Variants in DEGS1 observed in about 807,000 individuals in gnomAD.
DEGS1 encodes the protein delta 4-desaturase, sphingolipid 1, also known as sphingolipid delta(4)-desaturase DES1.
In DEGS1, 17 loss-of-function variants were observed where a neutral mutation model predicts 24.1. The ratio of observed to expected loss-of-function variants is 0.70; its 90% CI spans 0.48 to 1.06. DEGS1 has a LOEUF of 1.06. Among genes scored for constraint, DEGS1 ranks in the 50% least tolerant of loss-of-function variants. DEGS1 has a pLI of 0.00. For missense variants in DEGS1, 366 were observed against 408.9 expected (o/e 0.90, Z 0.91); for synonymous variants, 134 against 140.0 (o/e 0.96, Z 0.30).
chr1:224,185,373 C>G (rs1658353917), intron 1 of DEGS1, among the ~76,000 whole-genome samples: 1 of 152,154 alleles, frequency 6.6e-6, no homozygotes, highest in Non-Finnish European at 1.5e-5. Context: ...GCTTTGTTGC[C>G]CAAGCTGGAG....
intron 1 of DEGS1, among the ~76,000 whole-genome samples, chr1:224,184,207 A>G (rs1219881324): frequency 2.0e-5 from 3 of 152,204 alleles, no homozygotes; most frequent in African/African-American, 4.8e-5. Context: ...GTCCCCTGAC[A>G]GCTAATTGAG....
At position 224,192,595 on chromosome 1, in the gene DEGS1, T is replaced by C; in HGVS notation, c.*117T>C. ...AAGCTCCCCTGGCACAATTTCAGAG[T>C]AAGAGCTCGGTGATACCAAGAAGTG... On this transcript the variant is annotated 3_prime_UTR_variant, in exon 3 of 3. Coordinates refer to ENST00000323699, the MANE Select transcript of DEGS1 (RefSeq NM_003676.4). 1 of 975,452 alleles carries C rather than the reference T, an allele frequency of 1.0e-6. No homozygotes were observed. Among genetic ancestry groups the C allele is most frequent in the Non-Finnish European group, 1.5e-6 (1 of 659,392 alleles). The allele number at this position is 975,452 out of a possible 1,614,324, so 60.4% of individuals were successfully genotyped here.
At chr1:224,185,624 C>G (rs1658364630) in intron 1 of DEGS1, among the ~76,000 whole-genome samples, 1 of 152,108 alleles carries the variant, frequency 6.6e-6, no homozygotes, top group Non-Finnish European at 1.5e-5. Context: ...CCCCAGTCTC[C>G]CGAGTACCTG....
rs1486251297 is a variant in DEGS1 at position 224,192,669 on chromosome 1, TCA to T, written c.*194_*195del. 1.1e-5 allele frequency: 6 copies of T among 539,182 alleles called. No individual in the cohort carries two copies. Among genetic ancestry groups the T allele is most frequent in the Middle Eastern group, 4.8e-4 (1 of 2,068 alleles). 33.4% of individuals were successfully genotyped at this position (539,182 alleles called of 1,614,324 possible). On this transcript the variant is annotated 3_prime_UTR_variant, in exon 3 of 3. Coordinates refer to ENST00000323699, the MANE Select transcript of DEGS1 (RefSeq NM_003676.4). ...CTGACTCTGTACTGCTCAGTTTCAC[TCA>T]CAGGAAACTTGTGACTTGTGTATTA...
chr1:224,189,518 T>C, intron 1 of DEGS1, 59 bp from the exon 2 acceptor site: 1 of 1,281,230 alleles, frequency 7.8e-7, no homozygotes, highest in Non-Finnish European at 1.1e-6. Flanking sequence ...AATTTAATTA[T>C]AATTGGTGAA....
At chr1:224,185,332 C>G (rs1418186953) in intron 1 of DEGS1, among the ~76,000 whole-genome samples, 1 of 152,038 alleles carries the variant, frequency 6.6e-6, no homozygotes, top group Admixed American at 6.6e-5. Context: ...CTTCTTCCTC[C>G]TCCCCTACAC....
Position 224,183,362 on chromosome 1 carries a change from A to C in DEGS1, c.26A>C (p.Asp9Ala). ...ATGGGGAGCCGCGTCTCGCGGGAAG[A>C]CTTCGAGTGGGTCTACACCGACCAG... MGSRVSRE[D>A]FEWVYTDQPH... The change falls in exon 1 of 3, where the codon GAC becomes GCC. Residue 9 changes from aspartate (D) to alanine (A), a missense_variant. Physicochemically the swap from Asp to Ala is moderately radical, Grantham distance 126 (BLOSUM62 -2). Transcript: ENST00000323699. The C allele has an allele frequency of 6.8e-7, 1 of 1,480,592 alleles. No homozygotes were observed. Among genetic ancestry groups the C allele is most frequent in the Non-Finnish European group, 9.0e-7 (1 of 1,113,594 alleles). 91.7% of individuals were successfully genotyped at this position (1,480,592 alleles called of 1,614,324 possible).
rs1658590553 is a variant in DEGS1, at chr1:224,193,200, TTATACTA to T, written c.*727_*733del. 6.6e-6 allele frequency: 1 copy of T among 152,188 alleles called. No homozygotes were observed. Among genetic ancestry groups the T allele is most frequent in the African/African-American group, 2.4e-5 (1 of 41,460 alleles). 9.4% of individuals were successfully genotyped at this position (152,188 alleles called of 1,614,324 possible). A position where few individuals can be genotyped will look rare whatever the true frequency, so the allele number is the denominator to read the frequency against. On this transcript the variant is annotated 3_prime_UTR_variant, in exon 3 of 3. Transcript: ENST00000323699. Reference sequence around the variant, plus strand: ...GTTACATTTTTGTATTTCACTATCTTTATACTATATAATATGGTAACTTGGGTACCGG... The same window carrying T: ...GTTACATTTTTGTATTTCACTATCTTTATAATATGGTAACTTGGGTACCGG...
chr1:224,190,536 T>G (rs574771026), intron 2 of DEGS1, among the ~76,000 whole-genome samples: 1 of 151,552 alleles, frequency 6.6e-6, no homozygotes, highest in Non-Finnish European at 1.5e-5. Context: ...TTTTGTATTT[T>G]TAGTAGAGAT....
chr1:224,190,661 A>G (rs1658514794), intron 2 of DEGS1, among the ~76,000 whole-genome samples: 1 of 151,874 alleles, frequency 6.6e-6, no homozygotes, highest in Non-Finnish European at 1.5e-5. Context: ...CTACTTTTAC[A>G]AAGGGTTCAC....
chr1:224,187,318 AAG>A (rs1658419711), intron 1 of DEGS1, among the ~76,000 whole-genome samples: 1 of 152,170 alleles, frequency 6.6e-6, no homozygotes, highest in Admixed American at 6.5e-5. Flanking sequence ...AAAAAAAAAA[AAG>A]AATAAATCAC....
Position 224,190,086 on chromosome 1 carries a change from A to G in DEGS1, c.592A>G (p.Ile198Val), listed in dbSNP as rs1461164541. 2 of 1,613,820 alleles carry G rather than the reference A, an allele frequency of 1.2e-6. No homozygotes were observed. Among genetic ancestry groups the G allele is most frequent in the African/African-American group, 1.3e-5 (1 of 75,000 alleles). ...INTVAQVTFD[I>V]LIYYFLGIKS... is the part of the protein sequence containing the mutation. ...TACCGTGGCACAGGTCACTTTTGAC[A>G]TTTTAATTTATTACTTTTTGGGAAT... Residue 198 changes from isoleucine to valine, a missense_variant, in exon 2 of 3, where the codon ATT (isoleucine) becomes GTT (valine). Ile to Val is a conservative substitution (Grantham distance 29). Transcript: ENST00000323699.
intron 1 of DEGS1, among the ~76,000 whole-genome samples, chr1:224,184,811 C>T (rs1049165902): frequency 5.9e-5 from 9 of 152,024 alleles, no homozygotes; most frequent in Non-Finnish European, 1.3e-4. Context: ...CCACCGTGCC[C>T]GGCCAGAGCA....
At chr1:224,190,390 CT>C in intron 2 of DEGS1, 71 bp downstream of exon 2, 1 of 1,350,058 alleles carries the variant, frequency 7.4e-7, no homozygotes, top group Non-Finnish European at 9.8e-7. Context: ...CGGTGTCTCA[CT>C]CAGTCGCCCA....
chr1:224,184,435 C>T (rs1034005793), intron 1 of DEGS1, among the ~76,000 whole-genome samples: 2 of 152,040 alleles, frequency 1.3e-5, no homozygotes, highest in Admixed American at 6.6e-5. Context: ...AATGCGCATT[C>T]GGTTGCCTCT....
intron 1 of DEGS1, 111 bp from the exon 2 acceptor site, chr1:224,189,466 T>C (rs985165422): frequency 2.5e-6 from 2 of 792,524 alleles, no homozygotes; most frequent in African/African-American, 3.5e-5. Context: ...AAAGGGAATA[T>C]GATTTACAGA....
chr1:224,184,199 C>T (rs769702317), intron 1 of DEGS1, among the ~76,000 whole-genome samples: 6 of 152,152 alleles, frequency 3.9e-5, no homozygotes, highest in Non-Finnish European at 7.4e-5. Context: ...GCCTGCTGGT[C>T]CCCTGACAGC....
chr1:224,186,436 G>C (rs1328719369), intron 1 of DEGS1, among the ~76,000 whole-genome samples: 1 of 152,256 alleles, frequency 6.6e-6, no homozygotes, highest in South Asian at 2.1e-4. Context: ...TTTCTTGGCC[G>C]GGCATGGTGG....
intron 1 of DEGS1, among the ~76,000 whole-genome samples, chr1:224,188,629 CTGTT>C (rs1206177027): frequency 2.0e-5 from 3 of 152,112 alleles, no homozygotes; most frequent in Admixed American, 2.0e-4. Flanking sequence ...TGTTTCTTGA[CTGTT>C]TCCGTATCTT....
Sources: allele counts gnomAD v4.1 joint callset (sites outside exome capture counted in the v4.1 genomes callset), GRCh38; gene constraint gnomAD v4.1.1; transcripts MANE v1.5; gene names NCBI Gene and HGNC (gene_info 2026-07-23, HGNC 2026-07-21).